FUT8: variants seen among roughly 807,000 people sequenced by gnomAD.
The protein encoded by FUT8 is fucosyltransferase 8.
FUT8 carries 29 observed loss-of-function variants against 71.3 expected under a neutral mutation model. The ratio of observed to expected loss-of-function variants is 0.41; its 90% CI spans 0.30 to 0.55. FUT8 has a LOEUF of 0.55. Ranked by LOEUF, FUT8 falls within the 20% of genes least tolerant of loss-of-function variation. The probability of loss-of-function intolerance (pLI) is 0.34; values close to 1 mark genes in which losing one functional copy is unlikely to be tolerated. For synonymous variants in FUT8, 254 were observed against 239.3 expected (o/e 1.06, Z -0.57); for missense variants, 544 against 702.1 (o/e 0.77, Z 2.55).
At chr14:65,541,329 T>C (rs1183056662) in intron 2 of FUT8, among the ~76,000 whole-genome samples, 1 of 152,158 alleles carries the variant, frequency 6.6e-6, no homozygotes, top group Non-Finnish European at 1.5e-5. Flanking sequence ...ATTCAAGATG[T>C]CCCACCATAT....
chr14:65,526,609 T>C (rs568993470), intron 2 of FUT8, among the ~76,000 whole-genome samples: 19 of 152,332 alleles, frequency 1.2e-4, no homozygotes, highest in African/African-American at 4.3e-4. Flanking sequence ...GTCATTATGA[T>C]GTTAGCTGGT....
chr14:65,491,229 C>G (rs1018100049), intron 2 of FUT8, among the ~76,000 whole-genome samples: 7 of 152,078 alleles, frequency 4.6e-5, no homozygotes, highest in Admixed American at 1.3e-4. Flanking sequence ...CTCTTTAAAT[C>G]TTGAATTCTA....
the FUT8 span, among the ~76,000 whole-genome samples, chr14:65,371,743 C>T: frequency 6.6e-6 from 1 of 152,136 alleles, no homozygotes; most frequent in Non-Finnish European, 1.5e-5. Context: ...AACACATTTT[C>T]CAGGCTTATT....
chr14:65,690,580 A>G (rs1276619624), intron 7 of FUT8, among the ~76,000 whole-genome samples: 1 of 152,144 alleles, frequency 6.6e-6, no homozygotes, highest in East Asian at 1.9e-4. Flanking sequence ...TTTTTGTCAT[A>G]TAGAGCTCAT....
At chr14:65,675,945 C>G (rs368671294) in intron 7 of FUT8, among the ~76,000 whole-genome samples, 2 of 151,898 alleles carry the variant, frequency 1.3e-5, no homozygotes, top group Non-Finnish European at 2.9e-5. Flanking sequence ...TGCAGTGAGC[C>G]GAGATCGCGC....
rs1889949523 is a variant in FUT8, at chr14:65,627,319, G to A, written c.483-2173G>A. Among the ~76,000 whole-genome samples the A allele has an allele frequency of 6.6e-6, 1 of 152,148 alleles. No individual in the cohort carries two copies. Among genetic ancestry groups the A allele is most frequent in the Non-Finnish European group, 1.5e-5 (1 of 68,022 alleles). ...GCAGCAGCTCGATTCTTGCTTCCTT[G>A]GAGGAAATAATTTGGCCAGGGGAAC... On this transcript the variant is annotated intron_variant, in intron 5 of 10. Transcript: ENST00000673929. This position sits in a 1 kb window ranked among gnomAD's most constrained non-coding sequence, Gnocchi z 4.0.
chr14:65,452,898 T>G (rs1248461036), intron 1 of FUT8, among the ~76,000 whole-genome samples: 2 of 152,208 alleles, frequency 1.3e-5, no homozygotes, highest in African/African-American at 4.8e-5. Flanking sequence ...TAACCTTTCT[T>G]CTGGCTTTTA....
At chr14:65,551,749 A>C (rs1292652091) in intron 2 of FUT8, among the ~76,000 whole-genome samples, 1 of 152,214 alleles carries the variant, frequency 6.6e-6, no homozygotes, top group Non-Finnish European at 1.5e-5. Context: ...AGAAAAAGAC[A>C]ACACATCCTA....
At chr14:65,375,508 C>T in the FUT8 span, among the ~76,000 whole-genome samples, 1 of 151,972 alleles carries the variant, frequency 6.6e-6, no homozygotes, top group African/African-American at 2.4e-5. Context: ...GTGGTTCCAG[C>T]TACTTGGGAG....
intron 6 of FUT8, among the ~76,000 whole-genome samples, chr14:65,644,553 G>A (rs1891030394): frequency 1.3e-5 from 2 of 151,702 alleles, no homozygotes; most frequent in African/African-American, 4.8e-5. Flanking sequence ...AGTAGAGACG[G>A]GGTTTCACCG....
chr14:65,705,158 A>G (rs1323210139), intron 7 of FUT8, among the ~76,000 whole-genome samples: 1 of 151,958 alleles, frequency 6.6e-6, no homozygotes. Flanking sequence ...TAAGTAGAGC[A>G]GTGATAGAAT....
At chr14:65,474,401 G>C (rs568033493) in intron 2 of FUT8, among the ~76,000 whole-genome samples, 1 of 135,214 alleles carries the variant, frequency 7.4e-6, no homozygotes, top group Non-Finnish European at 1.5e-5. Flanking sequence ...TCAGGAGTTC[G>C]GGACCAGCCT....
At chr14:65,718,002 G>GTT (rs1895212767) in intron 7 of FUT8, among the ~76,000 whole-genome samples, 1 of 152,024 alleles carries the variant, frequency 6.6e-6, no homozygotes, top group Non-Finnish European at 1.5e-5. Flanking sequence ...TGAATTTTGT[G>GTT]TTTCTTAGCT....
At chr14:65,738,589 G>C (rs1045681307) in intron 10 of FUT8, among the ~76,000 whole-genome samples, 6 of 152,062 alleles carry the variant, frequency 3.9e-5, no homozygotes, top group African/African-American at 1.4e-4. Context: ...ACCATGGACT[G>C]CTCTCAGTCA....
At chr14:65,388,496 T>G in the FUT8 span, among the ~76,000 whole-genome samples, 906 of 152,316 alleles carry the variant, frequency 5.9e-3, 40 homozygotes, top group East Asian at 0.098. Flanking sequence ...GCATGGTGGC[T>G]CACGCCTGTA....
chr14:65,466,643 A>G lies in FUT8; in HGVS notation c.-228+10925A>G, dbSNP rs574486796. ...CGCACGCCTGTAATCCCAGCTACTC[A>G]GGGGGCTGAGGCAGGAGAATTTCTT... is the stretch of plus-strand genomic sequence containing the variant. On this transcript the variant is annotated intron_variant, in intron 2 of 10. Coordinates refer to ENST00000673929, the MANE Select transcript of FUT8 (RefSeq NM_001371533.1). Among the ~76,000 whole-genome samples the G allele has an allele frequency of 3.9e-5, 6 of 152,212 alleles. No homozygotes were observed. In the South Asian group the frequency reaches 1.0e-3, roughly 26 times the overall value.
intron 2 of FUT8, among the ~76,000 whole-genome samples, chr14:65,536,092 C>T (rs960031834): frequency 5.9e-5 from 9 of 151,536 alleles, no homozygotes; most frequent in African/African-American, 2.2e-4. Flanking sequence ...TTCTGCTTTC[C>T]ATTTGCTTGG....
chr14:65,709,389 G>GCCTT (rs2140508405), intron 7 of FUT8, among the ~76,000 whole-genome samples: 1 of 152,272 alleles, frequency 6.6e-6, no homozygotes. Context: ...TTTAGGCAGT[G>GCCTT]CCTTGATAAA....
At chr14:65,463,996 C>A (rs2066003871) in intron 2 of FUT8, among the ~76,000 whole-genome samples, 1 of 152,110 alleles carries the variant, frequency 6.6e-6, no homozygotes, top group Non-Finnish European at 1.5e-5. Context: ...CCCCTGCAGC[C>A]CCACTGGGGA....
Sources: allele counts gnomAD v4.1 joint callset (sites outside exome capture counted in the v4.1 genomes callset), GRCh38; gene constraint gnomAD v4.1.1; non-coding constraint Gnocchi (gnomAD v3.1); transcripts MANE v1.5; gene names NCBI Gene and HGNC (gene_info 2026-07-23, HGNC 2026-07-21).